The following NR1I2 variants were observed in gnomAD, a reference collection of about 807,000 sequenced individuals.
NR1I2 encodes the protein orphan nuclear receptor PAR1.
NR1I2 carries 42 observed loss-of-function variants against 43.3 expected under a neutral mutation model. The observed-to-expected ratio is 0.97, with a 90% CI of 0.76 to 1.26. The LOEUF (loss-of-function observed/expected upper bound fraction) is 1.26, where lower values mean the gene tolerates loss of function less well. NR1I2 is among the 50% of genes most tolerant of loss of function. The pLI, the probability that NR1I2 is intolerant of heterozygous loss-of-function variation, is 0.00. For synonymous variants in NR1I2, 229 were observed against 215.0 expected, an observed-to-expected ratio of 1.06 and a Z score of -0.57; for missense variants, 559 against 566.7, an observed-to-expected ratio of 0.99 and a Z score of 0.14.
intron 5 of NR1I2, 52 bp from the exon 6 acceptor site, chr3:119,814,927 C>T: frequency 1.2e-6 from 2 of 1,612,372 alleles, no homozygotes; most frequent in Non-Finnish European, 1.7e-6. Context: ...TGGTGCCGGT[C>T]TGTGGGCTGC....
Position 119,807,187 on chromosome 3 carries a change from C to T in NR1I2, c.-22-42C>T, listed in dbSNP as rs2055172919. 3.2e-6 allele frequency: 5 copies of T among 1,555,004 alleles called. No individual in the cohort carries two copies. The South Asian group carries it at 3.4e-5, about 11-fold the overall frequency. Reference sequence around the variant, plus strand: ...GTTTCCTCTGAGGCCTCTACACATCCCTGTCCAGTCTTTTCATTCTCTGTG... The same window carrying T: ...GTTTCCTCTGAGGCCTCTACACATCTCTGTCCAGTCTTTTCATTCTCTGTG... On this transcript the variant is annotated intron_variant, in intron 1 of 8. Coordinates refer to ENST00000393716, the MANE Select transcript of NR1I2 (RefSeq NM_003889.4).
intron 7 of NR1I2, 133 bp from the exon 8 acceptor site, chr3:119,815,593 C>T (rs2055314776): frequency 9.9e-7 from 1 of 1,013,720 alleles, no homozygotes; most frequent in Non-Finnish European, 1.5e-6. Flanking sequence ...GATGCCCAGC[C>T]CTGGTCTTCC....
intron 4 of NR1I2, 147 bp from the exon 5 acceptor site, chr3:119,812,539 G>T (rs541093041): frequency 3.7e-6 from 3 of 811,282 alleles, no homozygotes; most frequent in Admixed American, 1.7e-5. Flanking sequence ...GAGGACACAC[G>T]CATGCATGTG....
At position 119,817,613 on chromosome 3, in the gene NR1I2, C is replaced by T. The variant is rs565949656; in HGVS notation, c.*401C>T. 10 of 1,149,374 alleles carry T rather than the reference C, an allele frequency of 8.7e-6. No individual in the cohort carries two copies. Among genetic ancestry groups the T allele is most frequent in the South Asian group, 2.0e-5 (1 of 50,598 alleles). 71.2% of individuals were successfully genotyped at this position (1,149,374 alleles called of 1,614,324 possible). The stretch of plus-strand genomic sequence containing the variant: ...TCTGGGGTCTATGCCCACATACCCA[C>T]GTTTGTTCGCTTCCTGAGTCTTTTC... On this transcript the variant is annotated 3_prime_UTR_variant, in exon 9 of 9. Transcript: ENST00000393716.
Position 119,818,041 on chromosome 3 carries a change from T to C in NR1I2, c.*829T>C. On this transcript the variant is annotated 3_prime_UTR_variant, in exon 9 of 9. Transcript: ENST00000393716. ...GAATTTCCCTGTGTGGATGCTGAGC[T>C]GTGATGGCGGGCACTGGGTACCCAA... 2 of 985,526 alleles carry C rather than the reference T, an allele frequency of 2.0e-6. No individual in the cohort carries two copies. Among genetic ancestry groups the C allele is most frequent in the Non-Finnish European group, 2.4e-6 (2 of 829,984 alleles). 61.0% of individuals were successfully genotyped at this position (985,526 alleles called of 1,614,324 possible).
At chr3:119,802,944 C>T in intron 1 of NR1I2, 1 of 456,656 alleles carries the variant, frequency 2.2e-6, no homozygotes, top group Non-Finnish European at 4.4e-6. Flanking sequence ...TTAAAATCCT[C>T]ATCCCCAGTG....
chr3:119,791,543 A>T (rs577432841), intron 1 of NR1I2, among the ~76,000 whole-genome samples: 39 of 152,344 alleles, frequency 2.6e-4, no homozygotes, highest in African/African-American at 9.1e-4. Flanking sequence ...TGTCCTAAAA[A>T]AAAGTTACTT....
intron 1 of NR1I2, among the ~76,000 whole-genome samples, chr3:119,788,508 G>A (rs959470504): frequency 6.6e-6 from 1 of 152,100 alleles, no homozygotes; most frequent in African/African-American, 2.4e-5. Flanking sequence ...GACAATCATG[G>A]CTCACTGTAG....
chr3:119,818,352 A>T lies in NR1I2; in HGVS notation c.*1140A>T. On this transcript the variant is annotated 3_prime_UTR_variant, in exon 9 of 9. Coordinates refer to ENST00000393716, the MANE Select transcript of NR1I2 (RefSeq NM_003889.4). ...GCCTTGTTTATAGCCACTTGTGAGTAAAAATTTTTTTGCATTTTCACAAAT... is the reference window on the plus strand; with the variant it reads ...GCCTTGTTTATAGCCACTTGTGAGTTAAAATTTTTTTGCATTTTCACAAAT... The T allele has an allele frequency of 1.0e-6, 1 of 985,428 alleles. No individual in the cohort carries two copies. The highest frequency in any genetic ancestry group is 4.7e-5 in the South Asian group (1 of 21,282). 61.0% of individuals were successfully genotyped at this position (985,428 alleles called of 1,614,324 possible). A position where few individuals can be genotyped will look rare whatever the true frequency, so the allele number is the denominator to read the frequency against.
intron 1 of NR1I2, among the ~76,000 whole-genome samples, chr3:119,805,569 C>T (rs1021764405): frequency 2.6e-5 from 4 of 151,714 alleles, no homozygotes; most frequent in African/African-American, 7.3e-5. Context: ...TGGGCATGGT[C>T]GTGGGTGCCT....
intron 1 of NR1I2, among the ~76,000 whole-genome samples, chr3:119,791,076 T>C (rs992589945): frequency 6.6e-6 from 1 of 152,242 alleles, no homozygotes; most frequent in African/African-American, 2.4e-5. Flanking sequence ...AATAATGTTT[T>C]GGTGTCTTTG....
chr3:119,792,725 T>A (rs956418881), intron 1 of NR1I2, among the ~76,000 whole-genome samples: 1 of 150,592 alleles, frequency 6.6e-6, no homozygotes, highest in Non-Finnish European at 1.5e-5. Context: ...AAAAAAAAAA[T>A]TTAGCTGGAC....
chr3:119,783,724 A>G (rs1231654933), intron 1 of NR1I2, among the ~76,000 whole-genome samples: 2 of 152,232 alleles, frequency 1.3e-5, no homozygotes, highest in African/African-American at 4.8e-5. Flanking sequence ...CATTCTGTCA[A>G]TCCTAATCTC....
chr3:119,801,060 G>A lies in NR1I2; in HGVS notation c.-22-6169G>A, dbSNP rs373648766. Reference sequence around the variant, plus strand: ...TGTCAATGAATCACTCACCTGAAGAGGAGAGGGGCTGTGTGTGCTCAGTGC... The same window carrying A: ...TGTCAATGAATCACTCACCTGAAGAAGAGAGGGGCTGTGTGTGCTCAGTGC... On this transcript the variant is annotated intron_variant, in intron 1 of 8. Transcript: ENST00000393716. Among the ~76,000 whole-genome samples, 42 of 152,288 alleles carry A rather than the reference G, an allele frequency of 2.8e-4. No individual in the cohort carries two copies. In the South Asian group the frequency reaches 6.6e-3, roughly 24 times the overall value.
chr3:119,795,336 A>T (rs1172775013), intron 1 of NR1I2, among the ~76,000 whole-genome samples: 1 of 152,124 alleles, frequency 6.6e-6, no homozygotes, highest in Non-Finnish European at 1.5e-5. Flanking sequence ...AGGGACATAA[A>T]AGGGCTCTGA....
chr3:119,805,560 G>C (rs959088657), intron 1 of NR1I2, among the ~76,000 whole-genome samples: 1 of 151,906 alleles, frequency 6.6e-6, no homozygotes, highest in Admixed American at 6.6e-5. Context: ...AAAATTAGCT[G>C]GGCATGGTCG....
chr3:119,799,633 C>A (rs954513728), intron 1 of NR1I2, among the ~76,000 whole-genome samples: 1 of 152,090 alleles, frequency 6.6e-6, no homozygotes, highest in African/African-American at 2.4e-5. Flanking sequence ...TAGAATAAGT[C>A]TTCCGAATGT....
At chr3:119,812,987 G>C (rs2055266519) in intron 5 of NR1I2, 27 bp downstream of exon 5, 1 of 1,609,148 alleles carries the variant, frequency 6.2e-7, no homozygotes, top group African/African-American at 1.3e-5. Flanking sequence ...GGGTGGTTGG[G>C]TGTGGAAAAG....
rs2055219440 is a variant in NR1I2 at position 119,810,189 on chromosome 3, A to G, written c.326A>G (p.Lys109Arg). 1 of 1,605,738 alleles carries G rather than the reference A, an allele frequency of 6.2e-7. No homozygotes were observed. Among genetic ancestry groups the G allele is most frequent in the Non-Finnish European group, 8.5e-7 (1 of 1,176,334 alleles). The change falls in exon 3 of 9, where the codon AAG becomes AGG. Residue 109 changes from lysine (K) to arginine (R), a missense_variant. Coordinates refer to ENST00000393716, the MANE Select transcript of NR1I2 (RefSeq NM_003889.4). ...AAGTGCCTGGAGAGCGGCATGAAGAAGGAGAGTGAGCAGTGGGCGCGCGGG... is the reference window on the plus strand; with the variant it reads ...AAGTGCCTGGAGAGCGGCATGAAGAGGGAGAGTGAGCAGTGGGCGCGCGGG...
Sources: gnomAD v4.1 joint callset for allele counts (sites outside exome capture counted in the v4.1 genomes callset) on GRCh38, gnomAD v4.1.1 for gene constraint, MANE v1.5 for transcripts, NCBI Gene and HGNC (gene_info 2026-07-23, HGNC 2026-07-21) for gene names.